The following STK10 variants were observed in gnomAD, a reference collection of about 807,000 sequenced individuals.
STK10 encodes serine/threonine kinase 10.
In STK10, 78 loss-of-function variants were observed where a neutral mutation model predicts 113.8. The ratio of observed to expected loss-of-function variants is 0.69; its 90% CI spans 0.57 to 0.83. The LOEUF is 0.83. Among genes scored for constraint, STK10 ranks in the 40% least tolerant of loss-of-function variants. The pLI, the probability that STK10 is intolerant of heterozygous loss-of-function variation, is 0.00. For synonymous variants in STK10, 465 were observed against 494.7 expected, an observed-to-expected ratio of 0.94 and a Z score of 0.80; for missense variants, 1,109 against 1,280.1, an observed-to-expected ratio of 0.87 and a Z score of 2.04.
chr5:172,143,259 G>C (rs752094208), intron 2 of STK10, among the ~76,000 whole-genome samples: 1 of 152,144 alleles, frequency 6.6e-6, no homozygotes, highest in Non-Finnish European at 1.5e-5. Flanking sequence ...CCAGCTACTC[G>C]GGAGGCTGAG....
At chr5:172,169,451 G>A (rs1770626227) in intron 1 of STK10, among the ~76,000 whole-genome samples, 1 of 152,062 alleles carries the variant, frequency 6.6e-6, no homozygotes, top group East Asian at 1.9e-4. Context: ...AATGAGTTAA[G>A]TGGGATGGTG....
intron 2 of STK10, 30 bp from the exon 3 acceptor site, chr5:172,127,451 G>T: frequency 6.2e-7 from 1 of 1,612,398 alleles, no homozygotes; most frequent in South Asian, 1.1e-5. Context: ...AAGTGACAAT[G>T]AGTGGGGCTG....
intron 10 of STK10, among the ~76,000 whole-genome samples, chr5:172,086,644 A>G (rs1768567850): frequency 6.6e-6 from 1 of 152,190 alleles, no homozygotes; most frequent in Non-Finnish European, 1.5e-5. Flanking sequence ...GTGTGACCCA[A>G]TTCTCCAAAA....
At chr5:172,063,470 A>G (rs957330538) in intron 13 of STK10, 4 of 152,196 alleles carry the variant, frequency 2.6e-5, no homozygotes, top group African/African-American at 9.7e-5. Context: ...AACCTCTGTG[A>G]TAACTCCTTC....
chr5:172,122,990 T>C (rs2113783807), intron 3 of STK10, among the ~76,000 whole-genome samples: 1 of 152,264 alleles, frequency 6.6e-6, no homozygotes, highest in South Asian at 2.1e-4. Flanking sequence ...GAACAGGCCC[T>C]GGATGTTACA....
chr5:172,049,951 C>T (rs980132238), intron 18 of STK10, among the ~76,000 whole-genome samples: 1 of 152,094 alleles, frequency 6.6e-6, no homozygotes, highest in African/African-American at 2.4e-5. Flanking sequence ...TACAGGCATG[C>T]ACCACCATGT....
At chr5:172,155,264 G>A (rs1452329581) in intron 2 of STK10, among the ~76,000 whole-genome samples, 4 of 152,202 alleles carry the variant, frequency 2.6e-5, no homozygotes, top group African/African-American at 4.8e-5. Flanking sequence ...TTGGGCAGCC[G>A]AGGCAGGTGG....
Position 172,055,748 on chromosome 5 carries a change from T to C in STK10, c.2366A>G (p.Gln789Arg). Residue 789 changes from glutamine to arginine, a missense_variant, in exon 16 of 19, where the codon CAG becomes CGG. This residue lies in a region of STK10 where 885 missense variants were observed against 991.1 expected (regional missense o/e 0.89). Transcript: ENST00000176763. Reference sequence around the variant, plus strand: ...CACCTTCAGCTGCTCTATCATGCGCTGGTTGTAGCGCTGCATCTGCTCCCG... The same window carrying C: ...CACCTTCAGCTGCTCTATCATGCGCCGGTTGTAGCGCTGCATCTGCTCCCG... ...KEREQMQRYN[Q>R]RMIEQLKVRQ... 1.3e-6 allele frequency: 2 copies of C among 1,540,674 alleles called. No individual in the cohort carries two copies. The highest frequency in any genetic ancestry group is 1.8e-6 in the Non-Finnish European group (2 of 1,137,512).
chr5:172,065,757 G>T (rs1254973949), intron 12 of STK10, among the ~76,000 whole-genome samples: 1 of 152,098 alleles, frequency 6.6e-6, no homozygotes, highest in Non-Finnish European at 1.5e-5. Context: ...CTGTCCTCTG[G>T]GGTTGTTAAA....
intron 2 of STK10, among the ~76,000 whole-genome samples, chr5:172,142,757 C>T (rs1456904276): frequency 6.6e-6 from 1 of 152,086 alleles, no homozygotes; most frequent in African/African-American, 2.4e-5. Context: ...TATTGTATTC[C>T]CATTTTACAT....
intron 2 of STK10, among the ~76,000 whole-genome samples, chr5:172,127,879 A>C (rs1278395200): frequency 6.6e-6 from 1 of 152,164 alleles, no homozygotes; most frequent in African/African-American, 2.4e-5. Context: ...ATCTTCCAGA[A>C]CCCTGGACCT....
rs184678906 is a variant in STK10, at chr5:172,101,141, G to C, written c.870+4515C>G. Among the ~76,000 whole-genome samples the C allele has an allele frequency of 2.0e-5, 3 of 152,306 alleles. No individual in the cohort carries two copies. The East Asian group carries it at 5.8e-4, about 29-fold the overall frequency. On this transcript the variant is annotated intron_variant, in intron 7 of 18. Transcript: ENST00000176763. Reference sequence around the variant, plus strand: ...AAGTATTTATAATCGTACCTGGCATGAACAAAGGGTTATGTAACAGTTTGT... The same window carrying C: ...AAGTATTTATAATCGTACCTGGCATCAACAAAGGGTTATGTAACAGTTTGT...
At position 172,044,580 on chromosome 5, in the gene STK10, T is replaced by C. The variant is rs1767456624; in HGVS notation, c.*302A>G. On this transcript the variant is annotated 3_prime_UTR_variant, in exon 19 of 19. Coordinates refer to ENST00000176763, the MANE Select transcript of STK10 (RefSeq NM_005990.4). This position sits in a 1 kb window ranked among gnomAD's most constrained non-coding sequence, Gnocchi z 4.5. The stretch of plus-strand genomic sequence containing the variant: ...CTCGAGGCCACAGAACACCCATTCC[T>C]CTTGGACCCTGACCCCACCAACAGC... The C allele has an allele frequency of 2.2e-6, 1 of 454,430 alleles. No homozygotes were observed. Among genetic ancestry groups the C allele is most frequent in the Admixed American group, 3.5e-5 (1 of 28,516 alleles). The allele number at this position is 454,430 out of a possible 1,614,324, so 28.1% of individuals were successfully genotyped here.
At chr5:172,056,993 A>AAGAAAGAAAGAGAGAGAGAGAGAG (rs1561790200) in intron 15 of STK10, 3 of 51,974 alleles carry the variant, frequency 5.8e-5, no homozygotes, top group African/African-American at 2.3e-4. Flanking sequence ...GAAAGAAAGA[A>AAGAAAGAAAGAGAGAGAGAGAGAG]AGAGAAAGAA....
chr5:172,184,833 TTATTTTTA>T (rs1452730133), intron 1 of STK10, among the ~76,000 whole-genome samples: 1 of 151,980 alleles, frequency 6.6e-6, no homozygotes, highest in Non-Finnish European at 1.5e-5. Context: ...TTTTATTTTT[TTATTTTTA>T]GTAGAGGTGG....
chr5:172,150,449 C>G lies in STK10; in HGVS notation c.321+6175G>C, dbSNP rs187106361. ...TGAGCCGAGATCACGCCACTGCACTCCAGCCTGGGCAACAAGAGCGAAACA... is the reference window on the plus strand; with the variant it reads ...TGAGCCGAGATCACGCCACTGCACTGCAGCCTGGGCAACAAGAGCGAAACA... On this transcript the variant is annotated intron_variant, in intron 2 of 18. Transcript: ENST00000176763. Among the ~76,000 whole-genome samples, 18 of 151,288 alleles carry G rather than the reference C, an allele frequency of 1.2e-4. No homozygotes were observed. In the East Asian group the frequency reaches 3.5e-3, roughly 29 times the overall value.
intron 14 of STK10, among the ~76,000 whole-genome samples, chr5:172,058,077 T>C (rs1767847910): frequency 2.0e-5 from 3 of 152,218 alleles, no homozygotes; most frequent in Admixed American, 6.5e-5. Context: ...GGAGGTCTAT[T>C]AATCCACCCC....
chr5:172,082,371 C>A lies in STK10; in HGVS notation c.1944G>T (p.Arg648=). 1 of 1,603,128 alleles carries A rather than the reference C, an allele frequency of 6.2e-7. No homozygotes were observed. Among genetic ancestry groups the A allele is most frequent in the Admixed American group, 1.7e-5 (1 of 57,676 alleles). The part of the protein sequence containing the change: ...EARRIRLEQD[R]DYTRFQEQLK... ...GCTGCTCTTGGAACCTGGTGTAGTC[C>A]CGATCCTGCTCCAGGCGGATCCGCC... Residue 648 remains arginine, a synonymous_variant, in exon 12 of 19, where the codon CGG becomes CGT. Coordinates refer to ENST00000176763, the MANE Select transcript of STK10 (RefSeq NM_005990.4). The surrounding 1 kb of genome is among the most constrained non-coding windows in gnomAD (Gnocchi z 4.3).
intron 1 of STK10, among the ~76,000 whole-genome samples, chr5:172,182,487 T>G (rs9313581): frequency 0.2 from 29,961 of 150,192 alleles, 3,513 homozygotes; most frequent in African/African-American, 0.33. Flanking sequence ...AGGCTCAAGC[T>G]ATCCTCCCAC....
Sources: allele counts gnomAD v4.1 joint callset (sites outside exome capture counted in the v4.1 genomes callset), GRCh38; gene constraint gnomAD v4.1.1; regional missense constraint gnomAD v4.1.1; non-coding constraint Gnocchi (gnomAD v3.1); transcripts MANE v1.5; gene names NCBI Gene and HGNC (gene_info 2026-07-23, HGNC 2026-07-21).